Variants in GALNT18 observed in about 807,000 individuals in gnomAD.
The protein encoded by GALNT18 is GalNAc-transferase 18.
Under a neutral mutation model 69.5 loss-of-function variants are expected in GALNT18, and 44 were observed. The ratio of observed to expected loss-of-function variants is 0.63; its 90% CI spans 0.50 to 0.81. GALNT18 has a LOEUF of 0.81. GALNT18 is among the 40% of genes least tolerant of loss of function. GALNT18 has a pLI of 0.00. For synonymous variants in GALNT18, 364 were observed against 318.2 expected, an observed-to-expected ratio of 1.14 and a Z score of -1.53; for missense variants, 715 against 810.0, an observed-to-expected ratio of 0.88 and a Z score of 1.42.
intron 9 of GALNT18, among the ~76,000 whole-genome samples, chr11:11,294,783 G>A (rs558793785): frequency 4.8e-4 from 73 of 152,096 alleles, no homozygotes; most frequent in African/African-American, 1.7e-3. Context: ...TTCCCAGTCA[G>A]GGCTCCGAGT....
At chr11:11,417,075 C>T (rs1241515976) in intron 3 of GALNT18, among the ~76,000 whole-genome samples, 1 of 152,230 alleles carries the variant, frequency 6.6e-6, no homozygotes. Flanking sequence ...ATTCAAGTTC[C>T]TTCCAATGTC....
At position 11,470,863 on chromosome 11, in the gene GALNT18, T is replaced by C. The variant is rs1305060813; in HGVS notation, c.236-21927A>G. Among the ~76,000 whole-genome samples the C allele has an allele frequency of 2.0e-5, 3 of 152,186 alleles. No homozygotes were observed. Among genetic ancestry groups the C allele is most frequent in the Non-Finnish European group, 1.5e-5 (1 of 68,024 alleles). ...CATCTGTGGCCCCAGGACACTACTG[T>C]GCTCAGTGGGATGTTTTCCCCCTCC... On this transcript the variant is annotated intron_variant, in intron 1 of 10. Transcript: ENST00000227756. The surrounding 1 kb of genome is among the most constrained non-coding windows in gnomAD (Gnocchi z 4.8).
intron 9 of GALNT18, among the ~76,000 whole-genome samples, chr11:11,295,153 C>A (rs181819144): frequency 6.6e-6 from 1 of 152,254 alleles, no homozygotes; most frequent in African/African-American, 2.4e-5. Flanking sequence ...TGGTCCTTCA[C>A]GGCAGATTCT....
At chr11:11,395,896 T>C (rs1349617434) in intron 3 of GALNT18, among the ~76,000 whole-genome samples, 2 of 152,008 alleles carry the variant, frequency 1.3e-5, no homozygotes, top group African/African-American at 2.4e-5. Flanking sequence ...ATGACCACGA[T>C]GCAAATGTCA....
At chr11:11,473,312 G>A (rs553878075) in intron 1 of GALNT18, among the ~76,000 whole-genome samples, 1 of 152,156 alleles carries the variant, frequency 6.6e-6, no homozygotes, top group South Asian at 2.1e-4. Flanking sequence ...TCAAATGAAA[G>A]CACTCCAGGC....
At chr11:11,397,767 G>A (rs531000791) in intron 3 of GALNT18, among the ~76,000 whole-genome samples, 5 of 152,280 alleles carry the variant, frequency 3.3e-5, no homozygotes, top group South Asian at 2.1e-4. Flanking sequence ...CACCACACCC[G>A]GCCCACAAGG....
At chr11:11,450,181 A>C (rs999876477) in intron 1 of GALNT18, among the ~76,000 whole-genome samples, 1 of 152,218 alleles carries the variant, frequency 6.6e-6, no homozygotes, top group African/African-American at 2.4e-5. Flanking sequence ...GAAAAAACAG[A>C]AGCAGGTCAG....
At chr11:11,442,471 C>T (rs1459941981) in intron 2 of GALNT18, among the ~76,000 whole-genome samples, 1 of 152,120 alleles carries the variant, frequency 6.6e-6, no homozygotes, top group African/African-American at 2.4e-5. Context: ...AACCAGGACC[C>T]CCAAAGTTCA....
chr11:11,333,090 G>GAAA (rs5789678), intron 7 of GALNT18, among the ~76,000 whole-genome samples: 12 of 141,390 alleles, frequency 8.5e-5, no homozygotes, highest in Non-Finnish European at 1.4e-4. Context: ...AATCCTTAAA[G>GAAA]AAAAAAAAAA....
intron 1 of GALNT18, among the ~76,000 whole-genome samples, chr11:11,474,546 C>T (rs1316329620): frequency 6.6e-6 from 1 of 152,090 alleles, no homozygotes; most frequent in Non-Finnish European, 1.5e-5. Context: ...GAGGCCAGTG[C>T]GTAACTATTG....
rs1337094557 is a variant in GALNT18 at position 11,496,353 on chromosome 11, C to G, written c.236-47417G>C. Among the ~76,000 whole-genome samples, 1 of 152,198 alleles carries G rather than the reference C, an allele frequency of 6.6e-6. No individual in the cohort carries two copies. The highest frequency in any genetic ancestry group is 1.5e-5 in the Non-Finnish European group (1 of 68,026). On this transcript the variant is annotated intron_variant, in intron 1 of 10. Coordinates refer to ENST00000227756, the MANE Select transcript of GALNT18 (RefSeq NM_198516.3). This position sits in a 1 kb window ranked among gnomAD's most constrained non-coding sequence, Gnocchi z 4.0. The stretch of plus-strand genomic sequence containing the variant: ...ACTCCACATGCTGCCATACTGCAAA[C>G]TGGGTCCAATTACAGGGAAGGAGGG...
intron 3 of GALNT18, 35 bp from the exon 4 acceptor site, chr11:11,379,299 G>T: frequency 2.5e-6 from 4 of 1,583,306 alleles, no homozygotes; most frequent in Non-Finnish European, 3.4e-6. Context: ...AGCATGGGAG[G>T]GAGGTCAGGA....
chr11:11,611,783 C>T (rs1015424197), intron 1 of GALNT18, among the ~76,000 whole-genome samples: 1 of 152,174 alleles, frequency 6.6e-6, no homozygotes, highest in Non-Finnish European at 1.5e-5. Context: ...GCAGCTGGAA[C>T]ACTCCGCTTT....
At chr11:11,407,150 C>T (rs190628058) in intron 3 of GALNT18, among the ~76,000 whole-genome samples, 26 of 152,320 alleles carry the variant, frequency 1.7e-4, no homozygotes, top group Non-Finnish European at 4.4e-5. Flanking sequence ...GGATTTTACA[C>T]GTCATAGGCA....
chr11:11,517,105 G>A (rs979685177), intron 1 of GALNT18, among the ~76,000 whole-genome samples: 1 of 152,190 alleles, frequency 6.6e-6, no homozygotes, highest in Non-Finnish European at 1.5e-5. Flanking sequence ...CCAGGAAGAG[G>A]ACCCTCACCA....
rs78606518 is a variant in GALNT18 at position 11,604,039 on chromosome 11, T to C, written c.235+17320A>G. 8.5e-5 allele frequency among the ~76,000 whole-genome samples: 13 copies of C among 152,280 alleles called. No individual in the cohort carries two copies. Among genetic ancestry groups the C allele is most frequent in the Non-Finnish European group, 1.3e-4 (9 of 68,010 alleles). Reference sequence around the variant, plus strand: ...GAAAGCTGTTTTGTCTATTCTACCATGTGAAACACAAAGGTGCCATCTACG... The same window carrying C: ...GAAAGCTGTTTTGTCTATTCTACCACGTGAAACACAAAGGTGCCATCTACG... On this transcript the variant is annotated intron_variant, in intron 1 of 10. Transcript: ENST00000227756. The surrounding 1 kb of genome is among the most constrained non-coding windows in gnomAD (Gnocchi z 5.6).
At chr11:11,608,952 C>T (rs1409977625) in intron 1 of GALNT18, among the ~76,000 whole-genome samples, 3 of 152,210 alleles carry the variant, frequency 2.0e-5, no homozygotes, top group South Asian at 2.1e-4. Flanking sequence ...TCTGACAATT[C>T]GCTCTTCTGG....
intron 1 of GALNT18, among the ~76,000 whole-genome samples, chr11:11,599,560 C>T (rs1590130544): frequency 6.6e-6 from 1 of 151,976 alleles, no homozygotes; most frequent in South Asian, 2.1e-4. Context: ...CTGACAATCT[C>T]AACATTCTAA....
chr11:11,493,153 C>T (rs933512071), intron 1 of GALNT18, among the ~76,000 whole-genome samples: 6 of 150,176 alleles, frequency 4.0e-5, no homozygotes, highest in African/African-American at 9.8e-5. Context: ...CCCAGCTACT[C>T]GGAAGGCTGA....
Sources: allele counts gnomAD v4.1 joint callset (sites outside exome capture counted in the v4.1 genomes callset), GRCh38; gene constraint gnomAD v4.1.1; non-coding constraint Gnocchi (gnomAD v3.1); transcripts MANE v1.5; gene names NCBI Gene and HGNC (gene_info 2026-07-23, HGNC 2026-07-21).